SYNPR: variants seen among roughly 807,000 people sequenced by gnomAD.
SYNPR encodes the protein synaptoporin.
Under a neutral mutation model 32.9 loss-of-function variants are expected in SYNPR, and 23 were observed. The ratio of observed to expected loss-of-function variants is 0.70; its 90% confidence interval spans 0.50 to 0.99. SYNPR has a LOEUF of 0.99. Among genes scored for constraint, SYNPR ranks in the 50% least tolerant of loss-of-function variants. The pLI, the probability that SYNPR is intolerant of heterozygous loss-of-function variation, is 0.00. For missense variants in SYNPR, 318 were observed against 349.3 expected (o/e 0.91, Z 0.71); for synonymous variants, 146 against 135.9 (o/e 1.07, Z -0.52).
intron 2 of SYNPR, among the ~76,000 whole-genome samples, chr3:63,387,953 G>T (rs1214176864): frequency 6.6e-6 from 1 of 152,154 alleles, no homozygotes; most frequent in African/African-American, 2.4e-5. Context: ...TCAACACCTG[G>T]GGAGGGCAAA....
At chr3:63,558,845 T>C (rs953527592) in intron 4 of SYNPR, among the ~76,000 whole-genome samples, 16 of 150,030 alleles carry the variant, frequency 1.1e-4, no homozygotes, top group African/African-American at 3.2e-4. Flanking sequence ...ATTAATAATA[T>C]GCTTTCCAGA....
At chr3:63,586,500 C>G (rs996992604) in intron 4 of SYNPR, among the ~76,000 whole-genome samples, 40 of 151,956 alleles carry the variant, frequency 2.6e-4, no homozygotes, top group African/African-American at 9.4e-4. Flanking sequence ...AACCTTCTTC[C>G]ATCCCTATCC....
At chr3:63,340,443 G>A (rs1201752137) in intron 2 of SYNPR, among the ~76,000 whole-genome samples, 10 of 124,748 alleles carry the variant, frequency 8.0e-5, no homozygotes, top group Admixed American at 2.8e-4. Flanking sequence ...TTTTTGAGAC[G>A]GAGTCTCACT....
At chr3:63,309,479 T>C (rs2086941015) in intron 2 of SYNPR, among the ~76,000 whole-genome samples, 1 of 152,052 alleles carries the variant, frequency 6.6e-6, no homozygotes, top group Non-Finnish European at 1.5e-5. Context: ...ATTCTGAGAA[T>C]TAGTTAAATT....
intron 2 of SYNPR, among the ~76,000 whole-genome samples, chr3:63,430,155 G>A (rs1275940400): frequency 6.6e-6 from 1 of 152,214 alleles, no homozygotes; most frequent in African/African-American, 2.4e-5. Context: ...AGATATGCAT[G>A]ACCTGAGTGA....
At position 63,556,645 on chromosome 3, in the gene SYNPR, T is replaced by C; in HGVS notation, c.312T>C (p.Thr104=). The C allele has an allele frequency of 1.9e-6, 3 of 1,613,922 alleles. No homozygotes were observed. The highest frequency in any genetic ancestry group is 2.5e-6 in the Non-Finnish European group (3 of 1,179,852). Residue 104 remains threonine, a synonymous_variant, in exon 4 of 6, where the codon ACT becomes ACC. Transcript: ENST00000478300. The part of the protein sequence containing the change: ...DSSSSAEFFV[T]VAVFAFLYSL... ...CGTCTTCAGCAGAGTTCTTCGTCAC[T>C]GTTGCTGTCTTCGCCTTCCTCTACT...
chr3:63,269,549 T>C (rs1020840916), intron 3 of SYNPR, among the ~76,000 whole-genome samples: 5 of 152,184 alleles, frequency 3.3e-5, no homozygotes, highest in Non-Finnish European at 4.4e-5. Flanking sequence ...CACTCCTCTT[T>C]GGCTCTTTTA....
At chr3:63,573,590 G>C (rs1702927655) in intron 4 of SYNPR, among the ~76,000 whole-genome samples, 1 of 152,140 alleles carries the variant, frequency 6.6e-6, no homozygotes, top group South Asian at 2.1e-4. Flanking sequence ...TCCTCCCTCT[G>C]TTTTATCAGT....
chr3:63,408,360 G>GAAAGAAAGAA (rs1560221328), intron 2 of SYNPR, among the ~76,000 whole-genome samples: 1 of 149,976 alleles, frequency 6.7e-6, no homozygotes, highest in South Asian at 2.1e-4. Flanking sequence ...AAGAAAGAAA[G>GAAAGAAAGAA]AAAGAAAGAA....
intron 2 of SYNPR, among the ~76,000 whole-genome samples, chr3:63,404,769 T>C (rs1036799886): frequency 1.3e-5 from 2 of 152,174 alleles, no homozygotes; most frequent in Admixed American, 1.3e-4. Flanking sequence ...TTGAAAGTAC[T>C]CTCCTTTTAA....
At chr3:63,443,567 C>T in intron 2 of SYNPR, 3 of 1,348,194 alleles carry the variant, frequency 2.2e-6, no homozygotes, top group Non-Finnish European at 3.1e-6. Context: ...ACTTTTCTTT[C>T]CAAGTATCAG....
At chr3:63,610,415 T>A in intron 5 of SYNPR, 1 of 655,418 alleles carries the variant, frequency 1.5e-6, no homozygotes. Context: ...GAAAGAACAT[T>A]CTTTAGCACA....
At chr3:63,253,630 C>G (rs2106891632) in intron 2 of SYNPR, among the ~76,000 whole-genome samples, 1 of 152,224 alleles carries the variant, frequency 6.6e-6, no homozygotes, top group Admixed American at 6.5e-5. Flanking sequence ...CCATCTCACA[C>G]CAGTTAGAAT....
At chr3:63,475,330 G>A (rs984607764) in intron 2 of SYNPR, among the ~76,000 whole-genome samples, 2 of 152,176 alleles carry the variant, frequency 1.3e-5, no homozygotes, top group Non-Finnish European at 2.9e-5. Context: ...CTCAAGGGAG[G>A]TGAATGATTG....
At chr3:63,593,239 A>G (rs935419684) in intron 4 of SYNPR, among the ~76,000 whole-genome samples, 2 of 152,124 alleles carry the variant, frequency 1.3e-5, no homozygotes, top group African/African-American at 4.8e-5. Flanking sequence ...TTAATTTGCT[A>G]ATGTTACTAT....
At chr3:63,474,774 A>G (rs1331987246) in intron 2 of SYNPR, among the ~76,000 whole-genome samples, 1 of 152,120 alleles carries the variant, frequency 6.6e-6, no homozygotes, top group Non-Finnish European at 1.5e-5. Flanking sequence ...TCAATCTCCC[A>G]ACCCCTTACC....
intron 2 of SYNPR, among the ~76,000 whole-genome samples, chr3:63,337,333 G>A (rs561392192): frequency 2.0e-5 from 3 of 149,396 alleles, no homozygotes; most frequent in African/African-American, 7.4e-5. Context: ...TTACCTATTA[G>A]AATGGTTAAA....
At chr3:63,522,455 A>T (rs559909811) in intron 3 of SYNPR, among the ~76,000 whole-genome samples, 12 of 152,304 alleles carry the variant, frequency 7.9e-5, no homozygotes, top group Admixed American at 2.0e-4. Context: ...CCTTAAGGGG[A>T]TTATTGAAAG....
chr3:63,235,905 A>C (rs72876392), intron 1 of SYNPR, among the ~76,000 whole-genome samples: 810 of 152,024 alleles, frequency 5.3e-3, no homozygotes, highest in African/African-American at 0.017. Flanking sequence ...TCTTTTATTA[A>C]TCATGCTTTT....
Sources: gnomAD v4.1 joint callset for allele counts (sites outside exome capture counted in the v4.1 genomes callset) on GRCh38, gnomAD v4.1.1 for gene constraint, MANE v1.5 for transcripts, NCBI Gene and HGNC (gene_info 2026-07-23, HGNC 2026-07-21) for gene names.